The following PPY variants were observed in gnomAD, a reference collection of about 807,000 sequenced individuals.
PPY encodes pancreatic polypeptide prohormone.
PPY carries 6 observed loss-of-function variants against 9.3 expected under a neutral mutation model. The ratio of observed to expected loss-of-function variants is 0.64; its 90% CI spans 0.35 to 1.27. PPY has a LOEUF of 1.27. Among genes scored for constraint, PPY ranks in the 50% most tolerant of loss-of-function variants. The pLI is 0.03. For missense variants in PPY, 109 were observed against 119.1 expected (o/e 0.91, Z 0.40); for synonymous variants, 58 against 54.6 (o/e 1.06, Z -0.27).
At position 43,942,163 on chromosome 17, in the gene PPY, C is replaced by T. The variant is rs2048583930; in HGVS notation, c.-1+258G>A. 5.8e-6 allele frequency: 1 copy of T among 173,244 alleles called. No homozygotes were observed. Among genetic ancestry groups the T allele is most frequent in the Non-Finnish European group, 1.3e-5 (1 of 79,334 alleles). The allele number at this position is 173,244 out of a possible 1,614,324, so 10.7% of individuals were successfully genotyped here. ...TCCTGCACAGACCAGCAAAGGCACT[C>T]ACACAGGGACCCCAGTCACTCACAA... On this transcript the variant is annotated intron_variant, in intron 1 of 3. Coordinates refer to ENST00000225992, the MANE Select transcript of PPY (RefSeq NM_002722.5). The surrounding 1 kb of genome is among the most constrained non-coding windows in gnomAD (Gnocchi z 5.3).
chr17:43,941,346 C>T (rs756312902), intron 2 of PPY, 118 bp downstream of exon 2: 1 of 1,530,022 alleles, frequency 6.5e-7, no homozygotes, highest in African/African-American at 1.4e-5. Context: ...GCCCTGTTTT[C>T]CCAAGAGCAG....
rs1405238139 is a variant in PPY, at chr17:43,942,079, TC to T, written c.-1+341del. On this transcript the variant is annotated intron_variant, in intron 1 of 3. Coordinates refer to ENST00000225992, the MANE Select transcript of PPY (RefSeq NM_002722.5). This position sits in a 1 kb window ranked among gnomAD's most constrained non-coding sequence, Gnocchi z 5.3. Reference sequence around the variant, plus strand: ...ATCCATGGCCTTGTGGGTCTGGCCCTCCACCCTGCGATAGAGACACAGATAT... The same window carrying T: ...ATCCATGGCCTTGTGGGTCTGGCCCTCACCCTGCGATAGAGACACAGATAT... 1 of 233,298 alleles carries T rather than the reference TC, an allele frequency of 4.3e-6. No homozygotes were observed. The highest frequency in any genetic ancestry group is 8.6e-6 in the Non-Finnish European group (1 of 115,700). 14.5% of individuals were successfully genotyped at this position (233,298 alleles called of 1,614,324 possible).
chr17:43,941,261 G>A (rs1195279781), intron 2 of PPY, 47 bp from the exon 3 acceptor site: 5 of 1,543,002 alleles, frequency 3.2e-6, no homozygotes, highest in Non-Finnish European at 4.4e-6. Flanking sequence ...CCAGGTGCCA[G>A]CCCACCTGTT....
rs779357327 is a variant in PPY at position 43,941,704 on chromosome 17, C to T, written c.1-50G>A. ...GGAGAGCCCGGGCTGCAGATTTTCCCGTGCCCAGGAAGCAGGGCCCAACTA... is the reference window on the plus strand; with the variant it reads ...GGAGAGCCCGGGCTGCAGATTTTCCTGTGCCCAGGAAGCAGGGCCCAACTA... On this transcript the variant is annotated intron_variant, in intron 1 of 3. Coordinates refer to ENST00000225992, the MANE Select transcript of PPY (RefSeq NM_002722.5). 7.5e-5 allele frequency: 114 copies of T among 1,516,602 alleles called. No individual in the cohort carries two copies. The South Asian group carries it at 1.3e-3, about 17-fold the overall frequency. 93.9% of individuals were successfully genotyped at this position (1,516,602 alleles called of 1,614,324 possible).
At chr17:43,941,837 C>G (rs545607489) in intron 1 of PPY, among the ~76,000 whole-genome samples, 183 bp from the exon 2 acceptor site, 85 of 152,312 alleles carry the variant, frequency 5.6e-4, no homozygotes, top group Admixed American at 1.9e-3. Flanking sequence ...GCTCTGAAGG[C>G]ACGGACAGCC....
chr17:43,940,861 G>C lies in PPY; in HGVS notation c.*67C>G. 1 of 1,561,962 alleles carries C rather than the reference G, an allele frequency of 6.4e-7. No individual in the cohort carries two copies. The highest frequency in any genetic ancestry group is 8.7e-7 in the Non-Finnish European group (1 of 1,149,324). ...GAGCAGGGAGCAAGCTTTGGCCAGA[G>C]CCAAGGGTGCAGAGGGGAGAGCTGG... On this transcript the variant is annotated 3_prime_UTR_variant, in exon 4 of 4. Transcript: ENST00000225992.
At position 43,940,877 on chromosome 17, in the gene PPY, G is replaced by A. The variant is rs766682785; in HGVS notation, c.*51C>T. On this transcript the variant is annotated 3_prime_UTR_variant, in exon 4 of 4. Coordinates refer to ENST00000225992, the MANE Select transcript of PPY (RefSeq NM_002722.5). ...TTGGCCAGAGCCAAGGGTGCAGAGG[G>A]GAGAGCTGGGCTGGCGCTGCTCATG... 6.3e-6 allele frequency: 10 copies of A among 1,582,972 alleles called. No individual in the cohort carries two copies. The highest frequency in any genetic ancestry group is 8.6e-6 in the Non-Finnish European group (10 of 1,163,582).
chr17:43,943,824 C>T (rs771296654), upstream of PPY, among the ~76,000 whole-genome samples: 1 of 152,072 alleles, frequency 6.6e-6, no homozygotes, highest in African/African-American at 2.4e-5. Context: ...GCTCTGTGAG[C>T]CTGGGAAAGT....
At chr17:43,943,263 C>T (rs1302940359), upstream of PPY, among the ~76,000 whole-genome samples, 2 of 152,174 alleles carry the variant, frequency 1.3e-5, no homozygotes, top group Non-Finnish European at 1.5e-5. Context: ...ACCCATTTTA[C>T]AGATTCAGGA....
At chr17:43,944,178 C>G (rs1445027362), upstream of PPY, among the ~76,000 whole-genome samples, 1 of 152,184 alleles carries the variant, frequency 6.6e-6, no homozygotes, top group Non-Finnish European at 1.5e-5. Context: ...GCGCCAGGCT[C>G]CAACCCTAGT....
chr17:43,941,178 G>T lies in PPY; in HGVS notation c.228C>A (p.Phe76Leu). 1 of 1,551,696 alleles carries T rather than the reference G, an allele frequency of 6.4e-7. No homozygotes were observed. Among genetic ancestry groups the T allele is most frequent in the Admixed American group, 2.0e-5 (1 of 51,014 alleles). ...GKRHKEDTLA[F>L]SEWGSPHAAV... Reference sequence around the variant, plus strand: ...CAGCATGCGGGGACCCCCACTCCGAGAAGGCCAGCGTGTCCTCTTTGTGTC... The same window carrying T: ...CAGCATGCGGGGACCCCCACTCCGATAAGGCCAGCGTGTCCTCTTTGTGTC... Residue 76 changes from phenylalanine (F) to leucine (L), a missense_variant, in exon 3 of 4, where the codon TTC becomes TTA. Physicochemically the swap from Phe to Leu is conservative, Grantham distance 22 (BLOSUM62 0). Coordinates refer to ENST00000225992, the MANE Select transcript of PPY (RefSeq NM_002722.5).
At chr17:43,941,883 A>G (rs76498976) in intron 1 of PPY, among the ~76,000 whole-genome samples, 4,758 of 152,224 alleles carry the variant, frequency 0.031, 108 homozygotes, top group South Asian at 0.046. Flanking sequence ...AGGGCCTCGC[A>G]AGTTAGAAAA....
chr17:43,940,836 GA>G lies in PPY; in HGVS notation c.*91del. 1 of 1,495,884 alleles carries G rather than the reference GA, an allele frequency of 6.7e-7. No individual in the cohort carries two copies. Among genetic ancestry groups the G allele is most frequent in the South Asian group, 1.2e-5 (1 of 82,756 alleles). The allele number at this position is 1,495,884 out of a possible 1,614,324, so 92.7% of individuals were successfully genotyped here. On this transcript the variant is annotated 3_prime_UTR_variant, in exon 4 of 4. Transcript: ENST00000225992. ...GACTTGCTTTATTGAGCCTGTGTGGGAGCAGGGAGCAAGCTTTGGCCAGAGC... is the reference window on the plus strand; with the variant it reads ...GACTTGCTTTATTGAGCCTGTGTGGGGCAGGGAGCAAGCTTTGGCCAGAGC...
upstream of PPY, among the ~76,000 whole-genome samples, chr17:43,943,824 C>A (rs771296654): frequency 2.0e-4 from 31 of 152,190 alleles, no homozygotes; most frequent in African/African-American, 4.6e-4. Context: ...GCTCTGTGAG[C>A]CTGGGAAAGT....
chr17:43,941,025 TG>T (rs1332433575), intron 3 of PPY, 73 bp from the exon 4 acceptor site: 1 of 1,558,136 alleles, frequency 6.4e-7, no homozygotes, highest in African/African-American at 1.4e-5. Flanking sequence ...AGGCTGGCCC[TG>T]GGCTCCTGTT....
chr17:43,943,223 G>C (rs182682818), upstream of PPY, among the ~76,000 whole-genome samples: 66 of 152,210 alleles, frequency 4.3e-4, no homozygotes, highest in African/African-American at 1.5e-3. Flanking sequence ...AGTGCTGCCA[G>C]CTCAGTCACC....
Position 43,941,178 on chromosome 17 carries a change from G to A in PPY, c.228C>T (p.Phe76=). The change falls in exon 3 of 4, where the codon TTC becomes TTT. Residue 76 remains phenylalanine, a synonymous_variant. Transcript: ENST00000225992. ...GKRHKEDTLA[F]SEWGSPHAAV... ...CAGCATGCGGGGACCCCCACTCCGAGAAGGCCAGCGTGTCCTCTTTGTGTC... is the reference window on the plus strand; with the variant it reads ...CAGCATGCGGGGACCCCCACTCCGAAAAGGCCAGCGTGTCCTCTTTGTGTC... 2 of 1,551,696 alleles carry A rather than the reference G, an allele frequency of 1.3e-6. No homozygotes were observed. The highest frequency in any genetic ancestry group is 1.7e-6 in the Non-Finnish European group (2 of 1,146,990).
At position 43,941,609 on chromosome 17, in the gene PPY, A is replaced by G. The variant is rs985368236; in HGVS notation, c.46T>C (p.Cys16Arg). Residue 16 changes from cysteine to arginine, a missense_variant, in exon 2 of 4, where the codon TGC becomes CGC. Physicochemically the swap from Cys to Arg is radical, Grantham distance 180. Coordinates refer to ENST00000225992, the MANE Select transcript of PPY (RefSeq NM_002722.5). ...AGTGGCTGTAGTAACAGAGCCACGC[A>G]GGTGGACAGGAGCAGCAGGGAGAGG... Reference protein sequence around the residue: ...LCLSLLLLSTCVALLLQPLLG... With the variant: ...LCLSLLLLSTRVALLLQPLLG... 25 of 1,613,118 alleles carry G rather than the reference A, an allele frequency of 1.5e-5. No individual in the cohort carries two copies. The highest frequency in any genetic ancestry group is 2.1e-5 in the Non-Finnish European group (25 of 1,179,918).
At position 43,941,450 on chromosome 17, in the gene PPY, A is replaced by G. The variant is rs201865506; in HGVS notation, c.191+14T>C. On this transcript the variant is annotated intron_variant, in intron 2 of 3. Transcript: ENST00000225992. Reference sequence around the variant, plus strand: ...CCAGGGGCTGGGATCTCTCTCCCCAACTGTGGCACACACCTAGGCCTGGTC... The same window carrying G: ...CCAGGGGCTGGGATCTCTCTCCCCAGCTGTGGCACACACCTAGGCCTGGTC... 1.7e-4 allele frequency: 281 copies of G among 1,613,674 alleles called. No individual in the cohort carries two copies. The African/African-American group carries it at 2.4e-3, about 14-fold the overall frequency.
Sources: gnomAD v4.1 joint callset for allele counts (sites outside exome capture counted in the v4.1 genomes callset) on GRCh38, gnomAD v4.1.1 for gene constraint, Gnocchi (gnomAD v3.1) non-coding constraint, MANE v1.5 for transcripts, NCBI Gene and HGNC (gene_info 2026-07-23, HGNC 2026-07-21) for gene names.